ZDHHC21: variants seen among roughly 807,000 people sequenced by gnomAD.
ZDHHC21 encodes zDHHC palmitoyltransferase 21.
In ZDHHC21, 15 loss-of-function variants were observed where a neutral mutation model predicts 34.6. The ratio of observed to expected loss-of-function variants is 0.43; its 90% CI spans 0.29 to 0.67. The LOEUF (loss-of-function observed/expected upper bound fraction) is 0.67. Ranked by LOEUF, ZDHHC21 falls within the 30% of genes least tolerant of loss-of-function variation. The pLI is 0.14. For synonymous variants in ZDHHC21, 142 were observed against 101.8 expected (o/e 1.40, Z -2.38); for missense variants, 344 against 327.7 (o/e 1.05, Z -0.38).
At chr9:14,663,528 TTTC>T (rs1564339205) in intron 5 of ZDHHC21, among the ~76,000 whole-genome samples, 1 of 151,712 alleles carries the variant, frequency 6.6e-6, no homozygotes, top group East Asian at 1.9e-4. Flanking sequence ...GATATTTTTA[TTTC>T]TTTTTTTTCT....
intron 7 of ZDHHC21, among the ~76,000 whole-genome samples, chr9:14,647,842 G>A (rs1830535670): frequency 6.6e-6 from 1 of 151,964 alleles, no homozygotes; most frequent in Non-Finnish European, 1.5e-5. Flanking sequence ...ATTACTTCTA[G>A]GAAATCTCCA....
chr9:14,685,674 T>C (rs1838192860), intron 2 of ZDHHC21, among the ~76,000 whole-genome samples: 2 of 152,176 alleles, frequency 1.3e-5, no homozygotes, highest in Non-Finnish European at 2.9e-5. Flanking sequence ...GAACTAGAAA[T>C]ACCATTTGAC....
At chr9:14,653,367 TTG>T (rs918938954) in intron 7 of ZDHHC21, among the ~76,000 whole-genome samples, 122 of 152,090 alleles carry the variant, frequency 8.0e-4, no homozygotes, top group African/African-American at 2.7e-3. Flanking sequence ...AATGGTGACT[TTG>T]GTTCTGAAAT....
chr9:14,619,024 A>T lies in ZDHHC21; in HGVS notation c.740T>A (p.Ile247Asn), dbSNP rs748193706. Residue 247 changes from isoleucine to asparagine, a missense_variant, in exon 10 of 10, where the codon ATT becomes AAT. Physicochemically the swap from Ile to Asn is moderately radical, Grantham distance 149. Transcript: ENST00000380916. ...FGTRWKILWFIPFRQRQPLRV... is the reference protein window; with the variant it reads ...FGTRWKILWFNPFRQRQPLRV... The stretch of plus-strand genomic sequence containing the variant: ...CAGTGGTTGCCTCTGCCTGAAAGGA[A>T]TGAACCACAGGATCTTCCAACGAGT... 1 of 1,612,448 alleles carries T rather than the reference A, an allele frequency of 6.2e-7. No homozygotes were observed. Among genetic ancestry groups the T allele is most frequent in the Non-Finnish European group, 8.5e-7 (1 of 1,179,154 alleles).
At chr9:14,691,853 C>CTGA (rs1190844680) in intron 1 of ZDHHC21, among the ~76,000 whole-genome samples, 4 of 151,984 alleles carry the variant, frequency 2.6e-5, no homozygotes, top group African/African-American at 9.7e-5. Context: ...TTTAATGTAC[C>CTGA]TTCAAACCAC....
At position 14,612,205 on chromosome 9, in the gene ZDHHC21, G is replaced by A. The variant is rs1049297492; in HGVS notation, c.*6761C>T. The A allele has an allele frequency of 1.3e-5, 2 of 151,898 alleles. No homozygotes were observed. The highest frequency in any genetic ancestry group is 6.6e-5 in the Admixed American group (1 of 15,214). 9.4% of individuals were successfully genotyped at this position (151,898 alleles called of 1,614,324 possible). A position where few individuals can be genotyped will look rare whatever the true frequency, so the allele number is the denominator to read the frequency against. On this transcript the variant is annotated 3_prime_UTR_variant, in exon 10 of 10. Transcript: ENST00000380916. The stretch of plus-strand genomic sequence containing the variant: ...GAAGCCACATTTCACATAAATTTCA[G>A]ACTTGATTCTTTTTTTCCATTCAGA...
intron 7 of ZDHHC21, among the ~76,000 whole-genome samples, chr9:14,654,107 T>C (rs999690485): frequency 1.3e-5 from 2 of 151,592 alleles, no homozygotes; most frequent in African/African-American, 4.8e-5. Context: ...TCCTGCAAAA[T>C]CTCCAAGGCC....
At chr9:14,691,195 C>G (rs1246625163) in intron 1 of ZDHHC21, among the ~76,000 whole-genome samples, 1 of 152,170 alleles carries the variant, frequency 6.6e-6, no homozygotes, top group Non-Finnish European at 1.5e-5. Context: ...AGTTTCTTTA[C>G]TAAACCACTA....
rs1823298910 is a variant in ZDHHC21, at chr9:14,611,540, G to C, written c.*7426C>G. The C allele has an allele frequency of 6.6e-6, 1 of 151,942 alleles. No individual in the cohort carries two copies. Among genetic ancestry groups the C allele is most frequent in the African/African-American group, 2.4e-5 (1 of 41,410 alleles). 9.4% of individuals were successfully genotyped at this position (151,942 alleles called of 1,614,324 possible). Reference sequence around the variant, plus strand: ...TTATGTACTGAATAATAAAATGCCTGACAAATTTAAAAACAGGATCTTCTT... The same window carrying C: ...TTATGTACTGAATAATAAAATGCCTCACAAATTTAAAAACAGGATCTTCTT... On this transcript the variant is annotated 3_prime_UTR_variant, in exon 10 of 10. Transcript: ENST00000380916.
chr9:14,678,462 T>C (rs916554886), intron 3 of ZDHHC21, among the ~76,000 whole-genome samples: 3 of 151,950 alleles, frequency 2.0e-5, no homozygotes, highest in Admixed American at 1.3e-4. Flanking sequence ...CATTACTGAT[T>C]AGGAATTAAC....
chr9:14,686,002 C>T (rs1200612886), intron 2 of ZDHHC21, among the ~76,000 whole-genome samples: 1 of 149,720 alleles, frequency 6.7e-6, no homozygotes, highest in East Asian at 2.0e-4. Flanking sequence ...GGGAACTGAA[C>T]AGTGAGAACA....
chr9:14,673,099 G>C (rs1172046108), intron 4 of ZDHHC21, among the ~76,000 whole-genome samples, 171 bp from the exon 5 acceptor site: 2 of 151,640 alleles, frequency 1.3e-5, no homozygotes, highest in Non-Finnish European at 2.9e-5. Flanking sequence ...ACTGTCAGGA[G>C]GACTATCTTA....
the ZDHHC21 span, among the ~76,000 whole-genome samples, chr9:14,591,119 T>C: frequency 9.2e-5 from 14 of 151,822 alleles, no homozygotes; most frequent in Admixed American, 3.9e-4. Context: ...CATAAACCAA[T>C]AGTGGGAATA....
intron 8 of ZDHHC21, among the ~76,000 whole-genome samples, chr9:14,631,139 T>A (rs888511455): frequency 6.6e-6 from 1 of 152,242 alleles, no homozygotes; most frequent in African/African-American, 2.4e-5. Context: ...AGAAGGCTGT[T>A]TTGTGTACAC....
At chr9:14,605,946 A>G in the ZDHHC21 span, among the ~76,000 whole-genome samples, 1 of 152,248 alleles carries the variant, frequency 6.6e-6, no homozygotes, top group African/African-American at 2.4e-5. Flanking sequence ...GTTTATGAAA[A>G]TAAACTTCAA....
intron 8 of ZDHHC21, among the ~76,000 whole-genome samples, chr9:14,635,338 C>G (rs911289246): frequency 2.0e-5 from 3 of 152,178 alleles, no homozygotes; most frequent in Admixed American, 1.3e-4. Context: ...GCTCAGGGAT[C>G]CCCAAACAGA....
At chr9:14,646,835 G>A (rs986853551) in intron 7 of ZDHHC21, among the ~76,000 whole-genome samples, 1 of 151,768 alleles carries the variant, frequency 6.6e-6, no homozygotes, top group Non-Finnish European at 1.5e-5. Context: ...ATCTCCATCT[G>A]ATATATATCT....
intron 7 of ZDHHC21, among the ~76,000 whole-genome samples, chr9:14,658,270 T>C (rs1012386369): frequency 6.6e-6 from 1 of 152,082 alleles, no homozygotes; most frequent in African/African-American, 2.4e-5. Context: ...ATGAATTTCA[T>C]TAAAAGGAAA....
chr9:14,658,731 A>G lies in ZDHHC21; in HGVS notation c.504+18T>C. On this transcript the variant is annotated intron_variant, in intron 7 of 9. Coordinates refer to ENST00000380916, the MANE Select transcript of ZDHHC21 (RefSeq NM_178566.6). ...CGTGATCCGCCCGCCTCGGCCTCCC[A>G]ATATAAACATTTCTTACCAAATTAC... The G allele has an allele frequency of 6.2e-7, 1 of 1,611,596 alleles. No individual in the cohort carries two copies. The highest frequency in any genetic ancestry group is 1.3e-5 in the African/African-American group (1 of 74,902).
Sources: gnomAD v4.1 joint callset for allele counts (sites outside exome capture counted in the v4.1 genomes callset) on GRCh38, gnomAD v4.1.1 for gene constraint, MANE v1.5 for transcripts, NCBI Gene and HGNC (gene_info 2026-07-23, HGNC 2026-07-21) for gene names.